Variants in FOXN2 observed in about 807,000 individuals in gnomAD.
The protein encoded by FOXN2 is forkhead box N2, also known as forkhead box protein N2.
In FOXN2, 19 loss-of-function variants were observed where a neutral mutation model predicts 41.2. That is an observed-to-expected ratio of 0.46 (90% CI 0.32 to 0.68). The LOEUF is 0.68. Ranked by LOEUF, FOXN2 falls within the 30% of genes least tolerant of loss-of-function variation. The pLI is 0.03. For missense variants in FOXN2, 587 were observed against 509.4 expected (o/e 1.15, Z -1.47); for synonymous variants, 195 against 176.8 (o/e 1.10, Z -0.82).
chr2:48,319,707 C>T (rs1265064279), intron 1 of FOXN2, among the ~76,000 whole-genome samples: 1 of 149,664 alleles, frequency 6.7e-6, no homozygotes, highest in Non-Finnish European at 1.5e-5. Flanking sequence ...ACCTCTTAGG[C>T]TCAAGTGATC....
At chr2:48,369,817 A>G (rs1672768735) in intron 5 of FOXN2, among the ~76,000 whole-genome samples, 1 of 151,966 alleles carries the variant, frequency 6.6e-6, no homozygotes. Flanking sequence ...GCAACACGGT[A>G]AAACCATATC....
Position 48,354,814 on chromosome 2 carries a change from G to C in FOXN2, c.538-4233G>C, listed in dbSNP as rs919255464. 3.4e-4 allele frequency among the ~76,000 whole-genome samples: 52 copies of C among 152,118 alleles called. 1 individual carries two copies. On this transcript the variant is annotated intron_variant, in intron 3 of 6. Transcript: ENST00000340553. ...GTTCACAGAGGAGGAAACACAAATA[G>C]GCAATAAACATAAACAAAGATGTTT...
chr2:48,330,150 A>G (rs191732706), intron 2 of FOXN2, among the ~76,000 whole-genome samples: 220 of 152,250 alleles, frequency 1.4e-3, no homozygotes, highest in Middle Eastern at 3.4e-3. Flanking sequence ...GCTAAAATAT[A>G]TTATGTCATT....
At chr2:48,328,381 C>T (rs1310689966) in intron 1 of FOXN2, among the ~76,000 whole-genome samples, 180 bp from the exon 2 acceptor site, 1 of 152,186 alleles carries the variant, frequency 6.6e-6, no homozygotes, top group Admixed American at 6.5e-5. Flanking sequence ...CTACCCACTT[C>T]CTTCCATATA....
At position 48,362,646 on chromosome 2, in the gene FOXN2, T is replaced by C. The variant is rs905052068; in HGVS notation, c.642T>C (p.Gly214=). ...TGCTTTTCTGTTTGTTTTTCAGTGG[T>C]TCTTTATCACCTCACTATTTAAGCT... ...QPFSSASSQN[G]SLSPHYLSSV... is the part of the protein sequence containing the mutation. Residue 214 remains glycine, a synonymous_variant, in exon 5 of 7, where the codon GGT becomes GGC. Coordinates refer to ENST00000340553, the MANE Select transcript of FOXN2 (RefSeq NM_002158.4). 1.2e-6 allele frequency: 2 copies of C among 1,613,526 alleles called. No individual in the cohort carries two copies. The highest frequency in any genetic ancestry group is 1.7e-6 in the Non-Finnish European group (2 of 1,179,706).
chr2:48,336,193 CAGG>C (rs549935747), intron 2 of FOXN2, among the ~76,000 whole-genome samples: 203 of 151,972 alleles, frequency 1.3e-3, no homozygotes, highest in African/African-American at 4.7e-3. Flanking sequence ...CACTTGAGGT[CAGG>C]AGTTCAAGAC....
chr2:48,360,918 G>A (rs148067645), intron 4 of FOXN2, among the ~76,000 whole-genome samples: 2,254 of 151,426 alleles, frequency 0.015, 50 homozygotes, highest in African/African-American at 0.049. Flanking sequence ...GGAGGGTGAG[G>A]TGGGAGGATC....
At chr2:48,370,008 A>G (rs1672783594) in intron 5 of FOXN2, among the ~76,000 whole-genome samples, 1 of 151,858 alleles carries the variant, frequency 6.6e-6, no homozygotes, top group Non-Finnish European at 1.5e-5. Flanking sequence ...TCTCAAAAAA[A>G]GAAAAGAAAA....
At chr2:48,335,251 T>C (rs779347473) in intron 2 of FOXN2, among the ~76,000 whole-genome samples, 2 of 152,140 alleles carry the variant, frequency 1.3e-5, no homozygotes, top group South Asian at 2.1e-4. Flanking sequence ...AGAGCAAACA[T>C]GTTGAAAAGG....
At chr2:48,316,885 T>G (rs1194636290) in intron 1 of FOXN2, among the ~76,000 whole-genome samples, 1 of 152,168 alleles carries the variant, frequency 6.6e-6, no homozygotes, top group Non-Finnish European at 1.5e-5. Context: ...ATAGAGAAGT[T>G]ACAGCAACAC....
chr2:48,341,302 A>C (rs1421427216), intron 2 of FOXN2, among the ~76,000 whole-genome samples: 1 of 152,134 alleles, frequency 6.6e-6, no homozygotes, highest in African/African-American at 2.4e-5. Context: ...TAATTTTTAA[A>C]ATAAATAAAA....
At chr2:48,319,785 ATTTT>A (rs545797179) in intron 1 of FOXN2, among the ~76,000 whole-genome samples, 2 of 98,780 alleles carry the variant, frequency 2.0e-5, no homozygotes, top group Admixed American at 1.1e-4. Flanking sequence ...TAATTTTTTA[ATTTT>A]TTTTTTTTTT....
At chr2:48,345,974 G>C (rs548528046) in intron 2 of FOXN2, among the ~76,000 whole-genome samples, 1 of 152,030 alleles carries the variant, frequency 6.6e-6, no homozygotes, top group African/African-American at 2.4e-5. Flanking sequence ...CCATACACCT[G>C]GTCCTATAAA....
chr2:48,362,196 A>G (rs1180721055), intron 4 of FOXN2, among the ~76,000 whole-genome samples: 1 of 152,218 alleles, frequency 6.6e-6, no homozygotes, highest in Non-Finnish European at 1.5e-5. Flanking sequence ...ATTGAGTAGT[A>G]TTAGCAAAGA....
At chr2:48,369,471 G>A (rs1452246968) in intron 5 of FOXN2, among the ~76,000 whole-genome samples, 1 of 152,194 alleles carries the variant, frequency 6.6e-6, no homozygotes, top group Non-Finnish European at 1.5e-5. Flanking sequence ...CCAGGAGGCA[G>A]AGGTGGCAGT....
In FOXN2 at chr2:48,350,951, C is replaced by A. The variant is rs973627692; in HGVS notation, c.537+4200C>A. Among the ~76,000 whole-genome samples, 5 of 152,142 alleles carry A rather than the reference C, an allele frequency of 3.3e-5. No homozygotes were observed. In the South Asian group the frequency reaches 1.0e-3, roughly 32 times the overall value. ...GTTACATCTCACCTCACAGGATGGA[C>A]TCTGTTACAATTTATTTTATTTTTT... On this transcript the variant is annotated intron_variant, in intron 3 of 6. Transcript: ENST00000340553.
chr2:48,322,819 A>C (rs1470506275), intron 1 of FOXN2, among the ~76,000 whole-genome samples: 1 of 149,112 alleles, frequency 6.7e-6, no homozygotes, highest in South Asian at 2.1e-4. Context: ...TTTTAAGTTT[A>C]CTTTGAAATA....
intron 3 of FOXN2, among the ~76,000 whole-genome samples, chr2:48,351,903 A>T (rs555649567): frequency 1.8e-4 from 27 of 152,224 alleles, no homozygotes; most frequent in Non-Finnish European, 3.8e-4. Flanking sequence ...TTAGAAGGGT[A>T]ACATATGCCA....
chr2:48,359,176 G>A (rs1672004804), intron 4 of FOXN2, 29 bp downstream of exon 4: 14 of 1,501,910 alleles, frequency 9.3e-6, no homozygotes, highest in Non-Finnish European at 1.2e-5. Flanking sequence ...ACTGTCAGTG[G>A]TGATTTATAG....
Sources: gnomAD v4.1 joint callset for allele counts (sites outside exome capture counted in the v4.1 genomes callset) on GRCh38, gnomAD v4.1.1 for gene constraint, MANE v1.5 for transcripts, NCBI Gene and HGNC (gene_info 2026-07-23, HGNC 2026-07-21) for gene names.